ZP3: variants seen among roughly 807,000 people sequenced by gnomAD.
ZP3 encodes zona pellucida glycoprotein 3.
ZP3 carries 21 observed loss-of-function variants against 35.6 expected under a neutral mutation model. The ratio of observed to expected loss-of-function variants is 0.59; its 90% CI spans 0.42 to 0.85. The LOEUF (loss-of-function observed/expected upper bound fraction) is 0.85. Among genes scored for constraint, ZP3 ranks in the 40% least tolerant of loss-of-function variants. The pLI is 0.00. For synonymous variants in ZP3, 207 were observed against 214.5 expected (o/e 0.96, Z 0.31); for missense variants, 437 against 536.5 (o/e 0.81, Z 1.83).
chr7:76,397,698 G>A, exon 1 of ZP3: 2 of 1,613,484 alleles, frequency 1.2e-6, no homozygotes, highest in Non-Finnish European at 1.7e-6. Flanking sequence ...CCGCAGCCCA[G>A]CTGACGACAG....
At chr7:76,397,677 C>T (rs1032117961) in exon 1 of ZP3, 6 of 1,613,218 alleles carry the variant, frequency 3.7e-6, no homozygotes, top group Non-Finnish European at 5.1e-6. Context: ...GTGGTGGCGG[C>T]CATGGCCGCC....
rs748385376 is a variant in ZP3, at chr7:76,440,469, T to C, written c.924-6T>C. ...AAAAATCTAAGCTGCTTCTCTTTCA[T>C]CTCAGCTGGTTCCCAGTGGAAGGCT... On this transcript the variant is annotated splice_region_variant and splice_polypyrimidine_tract_variant and intron_variant, in intron 6 of 7. Transcript: ENST00000394857. The C allele has an allele frequency of 4.3e-6, 7 of 1,612,754 alleles. No individual in the cohort carries two copies. The highest frequency in any genetic ancestry group is 1.3e-5 in the African/African-American group (1 of 74,914).
At chr7:76,402,204 A>C (rs1804855538) in intron 1 of ZP3, among the ~76,000 whole-genome samples, 1 of 103,804 alleles carries the variant, frequency 9.6e-6, no homozygotes. Flanking sequence ...TTTTTTTGAG[A>C]CAGAGTCTTA....
Position 76,432,863 on chromosome 7 carries a change from A to G in ZP3, c.432-64A>G, listed in dbSNP as rs555934394. 3 of 1,422,796 alleles carry G rather than the reference A, an allele frequency of 2.1e-6. No homozygotes were observed. In the African/African-American group the frequency reaches 4.2e-5, roughly 20 times the overall value. 88.1% of individuals were successfully genotyped at this position (1,422,796 alleles called of 1,614,324 possible). A position where few individuals can be genotyped will look rare whatever the true frequency, so the allele number is the denominator to read the frequency against. ...GTGGGGTAGCAGTGAGATACTCCCC[A>G]TCAGTGGGGGCCCAGGTGGGTGTGA... is the stretch of plus-strand genomic sequence containing the variant. On this transcript the variant is annotated intron_variant, in intron 2 of 7. Transcript: ENST00000394857.
intron 1 of ZP3, 125 bp downstream of exon 1, chr7:76,425,401 T>TG (rs1197435752): frequency 2.9e-5 from 31 of 1,075,858 alleles, no homozygotes; most frequent in Non-Finnish European, 3.4e-5. Flanking sequence ...GGTGGGGAGG[T>TG]GGCCCAGTTG....
upstream of ZP3, among the ~76,000 whole-genome samples, chr7:76,423,838 G>C (rs1013038530): frequency 6.6e-6 from 1 of 152,012 alleles, no homozygotes; most frequent in East Asian, 1.9e-4. Flanking sequence ...CTCCAGCCTG[G>C]GCAACAGAGT....
chr7:76,428,111 A>C (rs1805720250), intron 1 of ZP3, among the ~76,000 whole-genome samples: 1 of 150,504 alleles, frequency 6.6e-6, no homozygotes, highest in Non-Finnish European at 1.5e-5. Flanking sequence ...GGATCACCTG[A>C]GGCCAGGAGT....
Position 76,433,593 on chromosome 7 carries a change from C to T in ZP3, c.659C>T (p.Thr220Ile). Residue 220 changes from threonine (T) to isoleucine (I), a missense_variant, in exon 4 of 8, where the codon ACA (threonine) becomes ATA (isoleucine). Transcript: ENST00000394857. ...LRLFVDHCVATPTPDQNASPY... is the reference protein window; with the variant it reads ...LRLFVDHCVAIPTPDQNASPY... ...TTGTTTGTGGACCACTGCGTGGCCA[C>T]ACCGACACCAGACCAGAATGCCTCC... is the stretch of plus-strand genomic sequence containing the variant. The T allele has an allele frequency of 6.2e-7, 1 of 1,614,104 alleles. No homozygotes were observed. The highest frequency in any genetic ancestry group is 8.5e-7 in the Non-Finnish European group (1 of 1,179,992).
chr7:76,418,366 C>T (rs112574326), intron 1 of ZP3, among the ~76,000 whole-genome samples: 8,250 of 151,698 alleles, frequency 0.054, 287 homozygotes, highest in East Asian at 0.13. Context: ...GCCTGGCCAA[C>T]GTGGTGAAAC....
At chr7:76,397,661 G>C in exon 1 of ZP3, 3 of 1,613,762 alleles carry the variant, frequency 1.9e-6, no homozygotes, top group Non-Finnish European at 1.7e-6. Context: ...GCCGAAGAAG[G>C]CGTTGGTGGT....
chr7:76,423,036 A>AGGG (rs1563695488), upstream of ZP3, among the ~76,000 whole-genome samples: 1 of 126,090 alleles, frequency 7.9e-6, no homozygotes, highest in Non-Finnish European at 1.7e-5. Flanking sequence ...AGAAAGAAAG[A>AGGG]AAGAAAGAAA....
chr7:76,417,904 A>G (rs1006942129), intron 1 of ZP3, among the ~76,000 whole-genome samples: 4 of 149,774 alleles, frequency 2.7e-5, no homozygotes, highest in South Asian at 2.1e-4. Flanking sequence ...ATGAGCCACC[A>G]TGTCTGGCCT....
At chr7:76,419,244 C>T (rs1283954373) in intron 1 of ZP3, among the ~76,000 whole-genome samples, 2 of 152,124 alleles carry the variant, frequency 1.3e-5, no homozygotes, top group African/African-American at 4.8e-5. Context: ...AGGGTAGGGT[C>T]TTATTTAGCA....
At chr7:76,418,007 G>A (rs1034611708) in intron 1 of ZP3, among the ~76,000 whole-genome samples, 12 of 146,114 alleles carry the variant, frequency 8.2e-5, no homozygotes, top group Non-Finnish European at 1.5e-4. Flanking sequence ...ACACAATCTC[G>A]GCTCACTGCA....
At position 76,432,929 on chromosome 7, in the gene ZP3, A is replaced by G; in HGVS notation, c.434A>G (p.Gln145Arg). 6.2e-7 allele frequency: 1 copy of G among 1,613,832 alleles called. No individual in the cohort carries two copies. Among genetic ancestry groups the G allele is most frequent in the Non-Finnish European group, 8.5e-7 (1 of 1,179,882 alleles). ...EIPIECRYPR[Q>R]GNVSSQAILP... Reference sequence around the variant, plus strand: ...CACAGCTGCTGTTCTTCTCTCAGGCAGGGCAATGTGAGCAGCCAGGCCATC... The same window carrying G: ...CACAGCTGCTGTTCTTCTCTCAGGCGGGGCAATGTGAGCAGCCAGGCCATC... The change falls in exon 3 of 8, where the codon CAG becomes CGG. Residue 145 changes from glutamine (Q) to arginine (R), a missense_variant and splice_region_variant. Transcript: ENST00000394857.
chr7:76,423,892 G>A (rs549906987), upstream of ZP3, among the ~76,000 whole-genome samples: 1 of 151,948 alleles, frequency 6.6e-6, no homozygotes, highest in African/African-American at 2.4e-5. Flanking sequence ...GTCGGGGTGA[G>A]CTGAAGCCAA....
chr7:76,437,516 A>C (rs1423565401), intron 5 of ZP3, among the ~76,000 whole-genome samples: 4 of 132,026 alleles, frequency 3.0e-5, no homozygotes, highest in African/African-American at 2.9e-5. Flanking sequence ...ATGGAGTGTC[A>C]CTCTTGTTGC....
upstream of ZP3, among the ~76,000 whole-genome samples, chr7:76,423,088 G>T (rs111650744): frequency 6.9e-3 from 861 of 125,286 alleles, 22 homozygotes; most frequent in East Asian, 0.042. Flanking sequence ...AGAAAGAAAA[G>T]AAATTGACAG....
intron 3 of ZP3, 34 bp downstream of exon 3, chr7:76,433,064 A>G (rs377368480): frequency 2.6e-6 from 4 of 1,540,928 alleles, no homozygotes; most frequent in Admixed American, 1.8e-5. Context: ...ACATCTGTGG[A>G]AAGACCTGGG....
Sources: allele counts gnomAD v4.1 joint callset (sites outside exome capture counted in the v4.1 genomes callset), GRCh38; gene constraint gnomAD v4.1.1; transcripts MANE v1.5; gene names NCBI Gene and HGNC (gene_info 2026-07-23, HGNC 2026-07-21).